Variants in SMC5 observed in about 807,000 individuals in gnomAD.
The protein encoded by SMC5 is structural maintenance of chromosomes 5.
Under a neutral mutation model 148.3 loss-of-function variants are expected in SMC5, and 88 were observed. The ratio of observed to expected loss-of-function variants is 0.59; its 90% CI spans 0.50 to 0.71. The LOEUF (loss-of-function observed/expected upper bound fraction) is 0.71, where lower values mean the gene tolerates loss of function less well. Among genes scored for constraint, SMC5 ranks in the 30% least tolerant of loss-of-function variants. The pLI, the probability that SMC5 is intolerant of heterozygous loss-of-function variation, is 0.00. For synonymous variants in SMC5, 421 were observed against 432.8 expected, an observed-to-expected ratio of 0.97 and a Z score of 0.34; for missense variants, 1,142 against 1,298.9, an observed-to-expected ratio of 0.88 and a Z score of 1.86.
In SMC5 at chr9:70,301,345, A is replaced by G. The variant is rs559065126; in HGVS notation, c.1464+1145A>G. ...ACCAAGTCAGATTAATAGCTGGCAT[A>G]TATTTCCATTTTAAATTGCATTCGA... is the stretch of plus-strand genomic sequence containing the variant. On this transcript the variant is annotated intron_variant, in intron 10 of 24. Transcript: ENST00000361138. Among the ~76,000 whole-genome samples the G allele has an allele frequency of 1.2e-4, 19 of 152,294 alleles. No homozygotes were observed. In the South Asian group the frequency reaches 1.7e-3, roughly 13 times the overall value.
chr9:70,313,037 G>A, intron 11 of SMC5, among the ~76,000 whole-genome samples: 1 of 152,164 alleles, frequency 6.6e-6, no homozygotes, highest in South Asian at 2.1e-4. Flanking sequence ...TTCTTCATTA[G>A]AATTTTTATA....
chr9:70,337,296 A>G (rs1190769615), intron 17 of SMC5, among the ~76,000 whole-genome samples: 1 of 152,196 alleles, frequency 6.6e-6, no homozygotes, highest in African/African-American at 2.4e-5. Context: ...GCTTTGGAGT[A>G]AGTATGCTCT....
chr9:70,314,690 C>T (rs1040957258), intron 11 of SMC5, 52 bp from the exon 12 acceptor site: 1 of 939,506 alleles, frequency 1.1e-6, no homozygotes, highest in Non-Finnish European at 1.6e-6. Flanking sequence ...TAAATCATTT[C>T]AGTAGAGAAT....
intron 17 of SMC5, among the ~76,000 whole-genome samples, chr9:70,335,168 T>C (rs1342474796): frequency 6.6e-6 from 1 of 152,150 alleles, no homozygotes; most frequent in Non-Finnish European, 1.5e-5. Flanking sequence ...GGTACACAAA[T>C]GTGTAACAGC....
At chr9:70,272,620 T>C (rs947116932) in intron 3 of SMC5, among the ~76,000 whole-genome samples, 1 of 152,210 alleles carries the variant, frequency 6.6e-6, no homozygotes, top group East Asian at 1.9e-4. Context: ...AAACCTGTCA[T>C]TCTTGGAGAA....
At chr9:70,267,445 T>C (rs1180577175) in intron 2 of SMC5, among the ~76,000 whole-genome samples, 2 of 152,180 alleles carry the variant, frequency 1.3e-5, no homozygotes, top group African/African-American at 4.8e-5. Flanking sequence ...ATTAACAGGA[T>C]AGGTAATATT....
rs150617184 is a variant in SMC5, at chr9:70,329,321, A to C, written c.2397+5178A>C. 7.2e-5 allele frequency among the ~76,000 whole-genome samples: 11 copies of C among 152,260 alleles called. No individual in the cohort carries two copies. The East Asian group carries it at 2.1e-3, about 29-fold the overall frequency. ...GCTTTCCTTTTAAAGTTCTAGTTTC[A>C]GGTCACTTTTGTTTATGCAAATGAG... On this transcript the variant is annotated intron_variant, in intron 17 of 24. Coordinates refer to ENST00000361138, the MANE Select transcript of SMC5 (RefSeq NM_015110.4).
At chr9:70,317,919 ACTT>A (rs2035845139) in intron 13 of SMC5, among the ~76,000 whole-genome samples, 2 of 151,884 alleles carry the variant, frequency 1.3e-5, no homozygotes, top group Admixed American at 6.6e-5. Context: ...AGAGTAAATG[ACTT>A]ACCCAAGATA....
rs760440704 is a variant in SMC5, at chr9:70,346,639, C to T, written c.2558C>T (p.Ser853Leu). 5.6e-6 allele frequency: 9 copies of T among 1,613,932 alleles called. No homozygotes were observed. Among genetic ancestry groups the T allele is most frequent in the Non-Finnish European group, 7.6e-6 (9 of 1,179,942 alleles). Reference sequence around the variant, plus strand: ...ACCATTCCAAATGGACACAACTCCTCACTCCCCATGGTATGCAGTACTCAT... The same window carrying T: ...ACCATTCCAAATGGACACAACTCCTTACTCCCCATGGTATGCAGTACTCAT... ...VPTIPNGHNS[S>L]LPMVFQDLPN... The change falls in exon 19 of 25, where the codon TCA (serine) becomes TTA (leucine). Residue 853 changes from serine (S) to leucine (L), a missense_variant. Physicochemically the swap from Ser to Leu is moderately radical, Grantham distance 145 (BLOSUM62 -2). Around this residue, in one of 5 missense-constraint regions of SMC5, gnomAD observed 743 missense variants for 835.7 expected, o/e 0.89. Transcript: ENST00000361138.
At chr9:70,262,508 AG>A (rs1184235425) in intron 1 of SMC5, among the ~76,000 whole-genome samples, 1 of 152,210 alleles carries the variant, frequency 6.6e-6, no homozygotes, top group African/African-American at 2.4e-5. Context: ...ACTAATGCCT[AG>A]GTTTCTGATT....
At chr9:70,321,847 G>A (rs919657678) in intron 15 of SMC5, among the ~76,000 whole-genome samples, 7 of 152,150 alleles carry the variant, frequency 4.6e-5, no homozygotes, top group African/African-American at 1.4e-4. Flanking sequence ...AAAGGCACAC[G>A]GTTTCCAGTT....
At chr9:70,277,582 T>G in intron 4 of SMC5, 110 bp downstream of exon 4, 1 of 769,160 alleles carries the variant, frequency 1.3e-6, no homozygotes, top group Non-Finnish European at 1.9e-6. Flanking sequence ...CATAGCACTC[T>G]TACAGTTCTT....
chr9:70,264,463 C>A lies in SMC5; in HGVS notation c.327+18C>A. 6.2e-7 allele frequency: 1 copy of A among 1,610,128 alleles called. No homozygotes were observed. The highest frequency in any genetic ancestry group is 8.5e-7 in the Non-Finnish European group (1 of 1,178,486). On this transcript the variant is annotated intron_variant, in intron 2 of 24. Coordinates refer to ENST00000361138, the MANE Select transcript of SMC5 (RefSeq NM_015110.4). ...CAGATAAGGTGAGTTAATATAATTA[C>A]TTTTTAAGAAATTTCAAACCTATTA...
At chr9:70,314,014 C>G (rs558444076) in intron 11 of SMC5, among the ~76,000 whole-genome samples, 1 of 152,274 alleles carries the variant, frequency 6.6e-6, no homozygotes, top group South Asian at 2.1e-4. Context: ...TGTTGCTTTC[C>G]TCCAATCCCC....
At chr9:70,260,476 T>C (rs1241067802) in intron 1 of SMC5, among the ~76,000 whole-genome samples, 1 of 152,206 alleles carries the variant, frequency 6.6e-6, no homozygotes, top group African/African-American at 2.4e-5. Flanking sequence ...ACTACCTTTT[T>C]TTTTCAAGCA....
intron 17 of SMC5, among the ~76,000 whole-genome samples, chr9:70,332,946 G>C (rs568334941): frequency 6.6e-6 from 1 of 152,058 alleles, no homozygotes; most frequent in Non-Finnish European, 1.5e-5. Flanking sequence ...TCTGATAAAG[G>C]ATATCTGAAA....
intron 11 of SMC5, among the ~76,000 whole-genome samples, chr9:70,314,529 G>T (rs2035745048): frequency 6.6e-6 from 1 of 151,168 alleles, no homozygotes; most frequent in South Asian, 2.1e-4. Context: ...AAAATATTTT[G>T]GTATGTATCT....
In SMC5 at chr9:70,298,163, T is replaced by A. The variant is rs367752231; in HGVS notation, c.1251T>A (p.Cys417Ter). 6.8e-6 allele frequency: 11 copies of A among 1,613,814 alleles called. No individual in the cohort carries two copies. The highest frequency in any genetic ancestry group is 9.3e-6 in the Non-Finnish European group (11 of 1,179,920). ...GGATTCAGGATGAAAAGGCATTATGTGAAGGCGAAATAATTGATAAGCGAA... is the reference window on the plus strand; with the variant it reads ...GGATTCAGGATGAAAAGGCATTATGAGAAGGCGAAATAATTGATAAGCGAA... Reference protein sequence around the residue: ...LRRIQDEKALCEGEIIDKRRE... With the variant: ...LRRIQDEKAL Residue 417 changes from cysteine to a stop codon, truncating the protein, a stop_gained, in exon 9 of 25, where the codon TGT (cysteine) becomes TGA (stop). Transcript: ENST00000361138. LOFTEE classifies it high-confidence loss of function.
chr9:70,338,150 A>G (rs1459752888), intron 17 of SMC5, among the ~76,000 whole-genome samples: 1 of 151,816 alleles, frequency 6.6e-6, no homozygotes, highest in African/African-American at 2.4e-5. Flanking sequence ...CCAGGTATCT[A>G]GGACTACAGG....
Sources: allele counts gnomAD v4.1 joint callset (sites outside exome capture counted in the v4.1 genomes callset), GRCh38; gene constraint gnomAD v4.1.1; regional missense constraint gnomAD v4.1.1; transcripts MANE v1.5; gene names NCBI Gene and HGNC (gene_info 2026-07-23, HGNC 2026-07-21).